Variants in ADAP1 observed in about 807,000 individuals in gnomAD.
The protein encoded by ADAP1 is arf-GAP with dual PH domain-containing protein 1.
In ADAP1, 31 loss-of-function variants were observed where a neutral mutation model predicts 54.9. The ratio of observed to expected loss-of-function variants is 0.56; its 90% CI spans 0.42 to 0.76. The LOEUF is 0.76. Among genes scored for constraint, ADAP1 ranks in the 30% least tolerant of loss-of-function variants. The pLI is 0.00. For missense variants in ADAP1, 535 were observed against 512.4 expected (o/e 1.04, Z -0.42); for synonymous variants, 313 against 202.6 (o/e 1.55, Z -4.63).
rs547461937 is a variant in ADAP1, at chr7:944,063, G to A, written c.83-8558C>T. 2.2e-4 allele frequency among the ~76,000 whole-genome samples: 33 copies of A among 151,466 alleles called. 1 individual carries two copies. In the East Asian group the frequency reaches 4.1e-3, roughly 19 times the overall value. On this transcript the variant is annotated intron_variant, in intron 1 of 10. Coordinates refer to ENST00000265846, the MANE Select transcript of ADAP1 (RefSeq NM_006869.4). ...CCTGAGTAGCTGGGACTACAGGTGC[G>A]CACCACCATACCCAGCTACTTTAAA...
chr7:917,647 C>G (rs6962769), intron 4 of ADAP1, among the ~76,000 whole-genome samples: 74,516 of 151,922 alleles, frequency 0.49, 19,333 homozygotes, highest in East Asian at 0.66. Context: ...GTATTTTTTA[C>G]TAGAAACAGT....
intron 2 of ADAP1, among the ~76,000 whole-genome samples, chr7:932,181 T>G (rs1001577503): frequency 6.6e-6 from 1 of 152,160 alleles, no homozygotes; most frequent in Non-Finnish European, 1.5e-5. Flanking sequence ...CCCAGCTCAG[T>G]GCTCTCCCAA....
At chr7:930,827 AGT>A (rs1221090620) in intron 2 of ADAP1, among the ~76,000 whole-genome samples, 1 of 150,452 alleles carries the variant, frequency 6.6e-6, no homozygotes, top group Non-Finnish European at 1.5e-5. Context: ...AAAAAAAAAA[AGT>A]AGCCAGGCAC....
At chr7:899,959 C>G (rs1844705706) in intron 8 of ADAP1, 143 bp downstream of exon 8, 1 of 1,029,500 alleles carries the variant, frequency 9.7e-7, no homozygotes, top group Non-Finnish European at 1.5e-6. Context: ...GGGACCCCGG[C>G]CAGGCACAGA....
chr7:909,113 G>A (rs960279295), intron 4 of ADAP1, among the ~76,000 whole-genome samples: 18 of 147,176 alleles, frequency 1.2e-4, no homozygotes, highest in African/African-American at 4.3e-4. Context: ...AGACGCCAGC[G>A]GGAACCCCGG....
rs1335072487 is a variant in ADAP1, at chr7:913,673, G to A, written c.388+6295C>T. On this transcript the variant is annotated intron_variant, in intron 4 of 10. Coordinates refer to ENST00000265846, the MANE Select transcript of ADAP1 (RefSeq NM_006869.4). ...TCAGAGGCCAGGTGTGGTGGCTCAC[G>A]CCTATAATCTCAGCACTTTGGGAGG... 3.9e-5 allele frequency among the ~76,000 whole-genome samples: 6 copies of A among 151,942 alleles called. No homozygotes were observed. In the South Asian group the frequency reaches 6.3e-4, roughly 16 times the overall value.
chr7:920,823 A>ACACAGGCCCGGCACGGCCCAGGTG lies in ADAP1; in HGVS notation c.306-797_306-774dup. On this transcript the variant is annotated intron_variant, in intron 3 of 10. Coordinates refer to ENST00000265846, the MANE Select transcript of ADAP1 (RefSeq NM_006869.4). This position sits in a 1 kb window ranked among gnomAD's most constrained non-coding sequence, Gnocchi z 4.5. The stretch of plus-strand genomic sequence containing the variant: ...TACCATTGCAGAAACCACGACCCAC[A>ACACAGGCCCGGCACGGCCCAGGTG]CACAGGCCCGGCACGGCCCAGGTGC... 6.5e-7 allele frequency: 1 copy of ACACAGGCCCGGCACGGCCCAGGTG among 1,550,030 alleles called. No homozygotes were observed. The highest frequency in any genetic ancestry group is 8.7e-7 in the Non-Finnish European group (1 of 1,146,818).
At chr7:907,623 C>T (rs757145825) in intron 4 of ADAP1, among the ~76,000 whole-genome samples, 9 of 152,194 alleles carry the variant, frequency 5.9e-5, no homozygotes, top group Non-Finnish European at 1.0e-4. Context: ...CCTATCGTTG[C>T]CCGTCCTTTC....
intron 6 of ADAP1, 123 bp downstream of exon 6, chr7:904,003 T>G: frequency 7.5e-7 from 1 of 1,336,620 alleles, no homozygotes; most frequent in South Asian, 1.4e-5. Context: ...TCCCGCCTTC[T>G]CATGCCGCCT....
chr7:914,008 G>A (rs1055439836), intron 4 of ADAP1, among the ~76,000 whole-genome samples: 2 of 152,222 alleles, frequency 1.3e-5, no homozygotes, highest in Admixed American at 1.3e-4. Flanking sequence ...GGATGGAGTG[G>A]GGCTCCGCCT....
chr7:947,840 A>C (rs1847181964), intron 1 of ADAP1, among the ~76,000 whole-genome samples: 1 of 151,800 alleles, frequency 6.6e-6, no homozygotes, highest in Non-Finnish European at 1.5e-5. Flanking sequence ...CCAGAGTCAC[A>C]GCGCAGCCCT....
intron 1 of ADAP1, among the ~76,000 whole-genome samples, chr7:936,065 G>C (rs931944697): frequency 6.6e-6 from 1 of 152,236 alleles, no homozygotes; most frequent in Non-Finnish European, 1.5e-5. Context: ...TAACTTTGCA[G>C]GTGTGACAGC....
At chr7:934,664 T>A (rs1427608404) in intron 2 of ADAP1, among the ~76,000 whole-genome samples, 2 of 152,068 alleles carry the variant, frequency 1.3e-5, no homozygotes, top group Non-Finnish European at 2.9e-5. Context: ...CTTCTCCACC[T>A]CCCTCGGGGT....
At chr7:908,317 G>A (rs1845565523) in intron 4 of ADAP1, among the ~76,000 whole-genome samples, 1 of 152,176 alleles carries the variant, frequency 6.6e-6, no homozygotes, top group African/African-American at 2.4e-5. Flanking sequence ...GAGACCAGGG[G>A]CTATTTTCTC....
At chr7:935,153 C>A in intron 2 of ADAP1, 1 of 692,342 alleles carries the variant, frequency 1.4e-6, no homozygotes. Flanking sequence ...ACACCTGGAG[C>A]TGCTCACAGA....
At chr7:912,294 C>CA (rs141707262) in intron 4 of ADAP1, among the ~76,000 whole-genome samples, 14,605 of 152,248 alleles carry the variant, frequency 0.096, 849 homozygotes, top group Middle Eastern at 0.18. Flanking sequence ...AGGCATTGTC[C>CA]AGGCCCCTGT....
At position 905,750 on chromosome 7, in the gene ADAP1, AGAAGGGAGAAG is replaced by A. The variant is rs1845215889; in HGVS notation, c.389-589_389-579del. On this transcript the variant is annotated intron_variant, in intron 4 of 10. Coordinates refer to ENST00000265846, the MANE Select transcript of ADAP1 (RefSeq NM_006869.4). Reference sequence around the variant, plus strand: ...AAAGGAGAAAGGGAAAGGAGAAGGGAGAAGGGAGAAGGGAGAAAGGAGAAAGGAGAAAGGAG... The same window carrying A: ...AAAGGAGAAAGGGAAAGGAGAAGGGAGGAGAAAGGAGAAAGGAGAAAGGAG... The A allele has an allele frequency of 7.7e-5, 3 of 39,164 alleles. 1 individual carries two copies. The highest frequency in any genetic ancestry group is 9.2e-4 in the South Asian group (1 of 1,090). 2.4% of individuals were successfully genotyped at this position (39,164 alleles called of 1,614,324 possible).
chr7:935,147 C>T (rs536857714), intron 2 of ADAP1: 7 of 684,560 alleles, frequency 1.0e-5, no homozygotes, highest in Admixed American at 8.3e-5. Flanking sequence ...CCACACACAC[C>T]TGGAGCTGCT....
intron 4 of ADAP1, 117 bp from the exon 5 acceptor site, chr7:905,289 GGACAC>G (rs1845068861): frequency 4.3e-6 from 2 of 470,540 alleles, no homozygotes; most frequent in Non-Finnish European, 7.7e-6. Context: ...CACGGACGGG[GGACAC>G]GGACAGGGGG....
Sources: allele counts gnomAD v4.1 joint callset (sites outside exome capture counted in the v4.1 genomes callset), GRCh38; gene constraint gnomAD v4.1.1; non-coding constraint Gnocchi (gnomAD v3.1); transcripts MANE v1.5; gene names NCBI Gene and HGNC (gene_info 2026-07-23, HGNC 2026-07-21).